The following CSMD1 variants were observed in gnomAD, a reference collection of about 807,000 sequenced individuals.
CSMD1 encodes the protein CUB and Sushi multiple domains 1, also known as CUB and sushi domain-containing protein 1.
CSMD1 carries 213 observed loss-of-function variants against 417.5 expected under a neutral mutation model. The observed-to-expected ratio is 0.51, with a 90% CI of 0.46 to 0.57. The LOEUF is 0.57. Among genes scored for constraint, CSMD1 ranks in the 20% least tolerant of loss-of-function variants. CSMD1 has a pLI of 0.00. For synonymous variants in CSMD1, 2,862 were observed against 1,736.8 expected, an observed-to-expected ratio of 1.65 and a Z score of -16.11; for missense variants, 6,923 against 4,529.7, an observed-to-expected ratio of 1.53 and a Z score of -15.17.
At chr8:4,424,178 A>G (rs991127262) in intron 2 of CSMD1, among the ~76,000 whole-genome samples, 8 of 152,218 alleles carry the variant, frequency 5.3e-5, no homozygotes, top group Admixed American at 6.6e-5. Context: ...CCAGAAAAAG[A>G]TAAGTTAATA....
chr8:3,726,199 C>T (rs193093382), intron 6 of CSMD1, among the ~76,000 whole-genome samples: 16 of 152,112 alleles, frequency 1.1e-4, no homozygotes, highest in Non-Finnish European at 2.1e-4. Context: ...ACTCAGCCTC[C>T]GTTGCCTGCA....
chr8:4,793,935 T>C (rs1797836873), intron 1 of CSMD1, among the ~76,000 whole-genome samples: 1 of 152,104 alleles, frequency 6.6e-6, no homozygotes, highest in Admixed American at 6.5e-5. Flanking sequence ...TTGAGGTTTG[T>C]GTGAAAATGA....
intron 1 of CSMD1, among the ~76,000 whole-genome samples, chr8:4,944,974 T>G (rs901713424): frequency 3.3e-5 from 5 of 152,130 alleles, no homozygotes; most frequent in African/African-American, 1.2e-4. Context: ...TCAGAGCTAT[T>G]CAAAACAGAC....
At chr8:4,608,803 A>G (rs966457021) in intron 2 of CSMD1, among the ~76,000 whole-genome samples, 2 of 152,224 alleles carry the variant, frequency 1.3e-5, no homozygotes, top group Non-Finnish European at 2.9e-5. Context: ...TGTGATACAC[A>G]TGATAAGCAT....
intron 38 of CSMD1, among the ~76,000 whole-genome samples, chr8:3,160,059 A>C (rs2129039425): frequency 6.6e-6 from 1 of 152,348 alleles, no homozygotes; most frequent in Non-Finnish European, 1.5e-5. Flanking sequence ...GCACAAAAAC[A>C]GCATGTCAGT....
At chr8:3,757,349 G>A (rs1378615144) in intron 5 of CSMD1, among the ~76,000 whole-genome samples, 2 of 152,178 alleles carry the variant, frequency 1.3e-5, no homozygotes, top group Admixed American at 1.3e-4. Flanking sequence ...GGTGTAGTTG[G>A]CAAGTAGCCA....
At chr8:3,603,413 C>G (rs540043147) in intron 8 of CSMD1, among the ~76,000 whole-genome samples, 18 of 152,200 alleles carry the variant, frequency 1.2e-4, no homozygotes, top group Admixed American at 7.8e-4. Flanking sequence ...GAAAGGCTTG[C>G]GAGCTAAAGC....
Position 4,828,894 on chromosome 8 carries a change from G to A in CSMD1, c.85+165438C>T, listed in dbSNP as rs535211744. The stretch of plus-strand genomic sequence containing the variant: ...ATCATGATATGCGTTCCACATCCTC[G>A]TCCCAGTACTTAATGTGTTCATAAA... On this transcript the variant is annotated intron_variant, in intron 1 of 69. Transcript: ENST00000635120. 1.2e-4 allele frequency among the ~76,000 whole-genome samples: 19 copies of A among 152,022 alleles called. No homozygotes were observed. The South Asian group carries it at 2.5e-3, about 20-fold the overall frequency.
At chr8:3,106,959 G>C (rs1585365544) in intron 45 of CSMD1, 3 of 217,868 alleles carry the variant, frequency 1.4e-5, no homozygotes, top group East Asian at 2.3e-4. Flanking sequence ...AGAAGCTATG[G>C]TTTAAGCAAG....
intron 5 of CSMD1, among the ~76,000 whole-genome samples, chr8:3,898,014 C>G (rs972755511): frequency 6.6e-6 from 1 of 152,136 alleles, no homozygotes; most frequent in Non-Finnish European, 1.5e-5. Context: ...GTGCCCAGAT[C>G]CCCAGTTTGA....
At position 4,721,733 on chromosome 8, in the gene CSMD1, A is replaced by G. The variant is rs569635631; in HGVS notation, c.86-84175T>C. 5.3e-5 allele frequency among the ~76,000 whole-genome samples: 8 copies of G among 152,266 alleles called. No individual in the cohort carries two copies. The East Asian group carries it at 1.2e-3, about 22-fold the overall frequency. On this transcript the variant is annotated intron_variant, in intron 1 of 69. Coordinates refer to ENST00000635120, the MANE Select transcript of CSMD1 (RefSeq NM_033225.6). ...TAAAACCAAAGGAAATGAAACCAGC[A>G]CCTCATAGAAATAGCTGCACTCCCA...
At chr8:3,066,179 C>A (rs1277599154) in intron 49 of CSMD1, among the ~76,000 whole-genome samples, 1 of 152,182 alleles carries the variant, frequency 6.6e-6, no homozygotes, top group Admixed American at 6.5e-5. Context: ...GTGTACAATT[C>A]TCTTGGCACT....
chr8:4,752,628 G>C (rs752125754), intron 1 of CSMD1, among the ~76,000 whole-genome samples: 1 of 152,236 alleles, frequency 6.6e-6, no homozygotes, highest in Non-Finnish European at 1.5e-5. Flanking sequence ...CAAGAGAGAG[G>C]GGAAAATTGA....
At chr8:4,053,059 G>T (rs140626523) in intron 3 of CSMD1, among the ~76,000 whole-genome samples, 1 of 152,132 alleles carries the variant, frequency 6.6e-6, no homozygotes, top group African/African-American at 2.4e-5. Context: ...GAGTCCTTGG[G>T]AGGCTGTGTG....
At chr8:4,418,967 G>A (rs979566335) in intron 3 of CSMD1, among the ~76,000 whole-genome samples, 1 of 152,146 alleles carries the variant, frequency 6.6e-6, no homozygotes, top group Admixed American at 6.6e-5. Flanking sequence ...TCTCTGCAAA[G>A]AGAACCTTCT....
chr8:4,381,379 A>G (rs986363876), intron 3 of CSMD1, among the ~76,000 whole-genome samples: 2 of 152,134 alleles, frequency 1.3e-5, no homozygotes, highest in Non-Finnish European at 2.9e-5. Flanking sequence ...TGTGGCTGTA[A>G]GAGTAAGCAG....
intron 9 of CSMD1, among the ~76,000 whole-genome samples, chr8:3,584,233 G>C (rs1430639002): frequency 6.6e-6 from 1 of 152,146 alleles, no homozygotes; most frequent in Non-Finnish European, 1.5e-5. Context: ...AAGAACAGAA[G>C]ATTGACAAAG....
chr8:4,025,799 C>T (rs11779756), intron 4 of CSMD1, among the ~76,000 whole-genome samples: 13,827 of 152,156 alleles, frequency 0.091, 667 homozygotes, highest in Middle Eastern at 0.13. Context: ...GCAAAGGTGA[C>T]TGGCCTCTGA....
chr8:4,173,318 C>G (rs868185442), intron 3 of CSMD1, among the ~76,000 whole-genome samples: 8 of 152,100 alleles, frequency 5.3e-5, no homozygotes, highest in Non-Finnish European at 8.8e-5. Flanking sequence ...GAAATTTGTG[C>G]TGTATATGGC....
Sources: allele counts gnomAD v4.1 joint callset (sites outside exome capture counted in the v4.1 genomes callset), GRCh38; gene constraint gnomAD v4.1.1; transcripts MANE v1.5; gene names NCBI Gene and HGNC (gene_info 2026-07-23, HGNC 2026-07-21).